CCDC154: variants seen among roughly 807,000 people sequenced by gnomAD.
CCDC154 encodes the protein coiled-coil domain containing 154, also known as coiled-coil domain-containing protein 154.
Under a neutral mutation model 87.5 loss-of-function variants are expected in CCDC154, and 91 were observed. That is an observed-to-expected ratio of 1.04 (90% confidence interval 0.88 to 1.24). The LOEUF (loss-of-function observed/expected upper bound fraction) is 1.24. CCDC154 is among the 50% of genes most tolerant of loss of function. The pLI, the probability that CCDC154 is intolerant of heterozygous loss-of-function variation, is 0.00. For synonymous variants in CCDC154, 418 were observed against 400.4 expected, an observed-to-expected ratio of 1.04 and a Z score of -0.52; for missense variants, 903 against 879.2, an observed-to-expected ratio of 1.03 and a Z score of -0.34.
chr16:1,438,450 C>G, intron 9 of CCDC154, 169 bp downstream of exon 9: 1 of 745,754 alleles, frequency 1.3e-6, no homozygotes, highest in East Asian at 2.7e-5. Context: ...ACAGGAGGCC[C>G]CACAGGAGGG....
At chr16:1,436,631 G>T (rs1427159289) in intron 12 of CCDC154, 61 bp downstream of exon 12, 36 of 1,546,610 alleles carry the variant, frequency 2.3e-5, no homozygotes, top group Non-Finnish European at 3.1e-5. Flanking sequence ...GGTGCAGGGA[G>T]AAGGGTCCCA....
chr16:1,439,295 G>A (rs1488602889), intron 6 of CCDC154, 169 bp from the exon 7 acceptor site: 4 of 631,752 alleles, frequency 6.3e-6, no homozygotes, highest in Non-Finnish European at 8.4e-6. Context: ...ACGGCGGGCA[G>A]GACCACTCTG....
In CCDC154 at chr16:1,443,507, T is replaced by C. The variant is rs776589674; in HGVS notation, c.413A>G (p.Glu138Gly). Reference sequence around the variant, plus strand: ...CCTGTGGGTGGGGGAGCCGCTCACCTCCGGCGCCTCCTTTTCGGGGGCCTG... The same window carrying C: ...CCTGTGGGTGGGGGAGCCGCTCACCCCCGGCGCCTCCTTTTCGGGGGCCTG... The part of the protein sequence containing the change: ...AAQAPEKEAP[E>G]FSGLQNQMQA... Residue 138 changes from glutamate to glycine, a missense_variant and splice_region_variant, in exon 3 of 17, where the codon GAG becomes GGG. Transcript: ENST00000389176. 2.7e-6 allele frequency: 4 copies of C among 1,467,868 alleles called. No individual in the cohort carries two copies. The South Asian group carries it at 4.1e-5, about 15-fold the overall frequency. 90.9% of individuals were successfully genotyped at this position (1,467,868 alleles called of 1,614,324 possible).
chr16:1,441,013 G>A (rs1057466170), intron 6 of CCDC154, among the ~76,000 whole-genome samples: 24 of 152,000 alleles, frequency 1.6e-4, no homozygotes, highest in African/African-American at 5.6e-4. Context: ...CAGCTACTGG[G>A]AAGGCTAAGG....
At chr16:1,443,028 G>T in intron 4 of CCDC154, 53 bp from the exon 5 acceptor site, 1 of 1,542,178 alleles carries the variant, frequency 6.5e-7, no homozygotes. Flanking sequence ...AGCAGCCTCG[G>T]CGGGCTGGGG....
rs779927486 is a variant in CCDC154 at position 1,439,125 on chromosome 16, G to A, written c.677C>T (p.Ala226Val). 6.5e-7 allele frequency: 1 copy of A among 1,549,892 alleles called. No homozygotes were observed. The highest frequency in any genetic ancestry group is 1.2e-5 in the South Asian group (1 of 84,034). Residue 226 changes from alanine to valine, a missense_variant and splice_region_variant, in exon 7 of 17, where the codon GCC (alanine) becomes GTC (valine). By Grantham distance (64) the Ala-to-Val change is moderately conservative (BLOSUM62 0). Transcript: ENST00000389176. ...CTCTTCGCCGAGCTTGGTCACCTGG[G>A]CCTGGGGCGGAGGCACATTGTCCCG... ...RVDLEVARMQ[A>V]QVTKLGEEVS...
chr16:1,441,062 T>C (rs34376809), intron 6 of CCDC154, among the ~76,000 whole-genome samples: 39,042 of 151,936 alleles, frequency 0.26, 5,285 homozygotes, highest in South Asian at 0.35. Flanking sequence ...GAGGCTGCAG[T>C]GAGCTGTGAT....
At chr16:1,441,842 C>T (rs1211256302) in intron 6 of CCDC154, among the ~76,000 whole-genome samples, 2 of 152,110 alleles carry the variant, frequency 1.3e-5, no homozygotes, top group East Asian at 1.9e-4. Context: ...CAGGCTCAAG[C>T]GATCCTCCCG....
chr16:1,438,204 T>C lies in CCDC154; in HGVS notation c.1026-28A>G, dbSNP rs1386202017. On this transcript the variant is annotated intron_variant, in intron 9 of 16. Transcript: ENST00000389176. ...AGGGGTTGGGGACACATAGACACCC[T>C]CAGTGGAGCCTGCCCACCTCTCAGC... 1.3e-6 allele frequency: 2 copies of C among 1,496,384 alleles called. 1 individual carries two copies. The highest frequency in any genetic ancestry group is 1.8e-6 in the Non-Finnish European group (2 of 1,117,872). The allele number at this position is 1,496,384 out of a possible 1,614,324, so 92.7% of individuals were successfully genotyped here. A position where few individuals can be genotyped will look rare whatever the true frequency, so the allele number is the denominator to read the frequency against.
intron 6 of CCDC154, chr16:1,439,347 A>G: frequency 3.4e-6 from 2 of 582,588 alleles, no homozygotes; most frequent in South Asian, 4.3e-5. Context: ...GAAGCATGAG[A>G]AGGCCACGCT....
intron 15 of CCDC154, 100 bp from the exon 16 acceptor site, chr16:1,434,952 T>C: frequency 6.3e-6 from 9 of 1,422,518 alleles, no homozygotes; most frequent in Admixed American, 2.5e-5. Context: ...AAGCCATTTA[T>C]CTTCAGGGAA....
chr16:1,437,713 G>A, intron 11 of CCDC154, 104 bp downstream of exon 11: 2 of 1,346,946 alleles, frequency 1.5e-6, no homozygotes, highest in Non-Finnish European at 2.0e-6. Flanking sequence ...GGAGGCTTGG[G>A]ACCGGCCTGT....
chr16:1,437,588 G>C, intron 11 of CCDC154: 1 of 519,376 alleles, frequency 1.9e-6, no homozygotes, highest in Non-Finnish European at 3.3e-6. Context: ...CTCCAGCTCG[G>C]GCCTCACGGG....
rs1255085612 is a variant in CCDC154 at position 1,443,061 on chromosome 16, GCCACCT to G, written c.456-92_456-87del. ...GGGGTCTGGCCAAGGGGCCCCTGTG[GCCACCT>G]CCCATGGCTTTCCTGGGCCTCTGAA... On this transcript the variant is annotated intron_variant, in intron 4 of 16. Coordinates refer to ENST00000389176, the MANE Select transcript of CCDC154 (RefSeq NM_001143980.3). 1.0e-5 allele frequency: 15 copies of G among 1,479,978 alleles called. No homozygotes were observed. The East Asian group carries it at 3.5e-4, about 34-fold the overall frequency. The allele number at this position is 1,479,978 out of a possible 1,614,324, so 91.7% of individuals were successfully genotyped here. A position where few individuals can be genotyped will look rare whatever the true frequency, so the allele number is the denominator to read the frequency against.
At chr16:1,437,769 T>G (rs1225393621) in intron 11 of CCDC154, 48 bp downstream of exon 11, 1 of 1,490,486 alleles carries the variant, frequency 6.7e-7, no homozygotes, top group Non-Finnish European at 8.9e-7. Flanking sequence ...GCTGGAGGGG[T>G]GGGGACTCCC....
At position 1,443,174 on chromosome 16, in the gene CCDC154, G is replaced by A. The variant is rs2038571592; in HGVS notation, c.455+87C>T. On this transcript the variant is annotated intron_variant, in intron 4 of 16. Coordinates refer to ENST00000389176, the MANE Select transcript of CCDC154 (RefSeq NM_001143980.3). ...CCCACTCCAGCGACACCCAGCGGGA[G>A]ATGTGGACCCCCCACCACACCTGCC... 6.1e-6 allele frequency: 9 copies of A among 1,474,454 alleles called. No homozygotes were observed. The South Asian group carries it at 7.4e-5, about 12-fold the overall frequency. 91.3% of individuals were successfully genotyped at this position (1,474,454 alleles called of 1,614,324 possible).
Position 1,434,852 on chromosome 16 carries a change from G to A in CCDC154, c.1693C>T (p.Arg565Cys), listed in dbSNP as rs998380269. 5.4e-5 allele frequency: 81 copies of A among 1,497,770 alleles called. No individual in the cohort carries two copies. Among genetic ancestry groups the A allele is most frequent in the Non-Finnish European group, 6.4e-5 (72 of 1,124,968 alleles). The allele number at this position is 1,497,770 out of a possible 1,614,324, so 92.8% of individuals were successfully genotyped here. A position where few individuals can be genotyped will look rare whatever the true frequency, so the allele number is the denominator to read the frequency against. The part of the protein sequence containing the change: ...NLRFNTEARL[R>C]TQEMATLWES... Reference sequence around the variant, plus strand: ...CACAGGGTGGCCATCTCCTGCGTGCGCTGTGGGACGGGGATGCTGGTGTCA... The same window carrying A: ...CACAGGGTGGCCATCTCCTGCGTGCACTGTGGGACGGGGATGCTGGTGTCA... The change falls in exon 16 of 17, where the codon CGC becomes TGC. Residue 565 changes from arginine (R) to cysteine (C), a missense_variant and splice_region_variant. Physicochemically the swap from Arg to Cys is radical, Grantham distance 180. Transcript: ENST00000389176.
At chr16:1,436,845 AAG>A in intron 11 of CCDC154, 34 bp from the exon 12 acceptor site, 3 of 1,549,452 alleles carry the variant, frequency 1.9e-6, no homozygotes, top group Non-Finnish European at 1.7e-6. Context: ...GGACAAAGCC[AAG>A]AGAGGGGGGA....
In CCDC154 at chr16:1,442,508, C is replaced by T. The variant is rs2038561078; in HGVS notation, c.573G>A (p.Leu191=). The T allele has an allele frequency of 1.9e-6, 3 of 1,547,270 alleles. No individual in the cohort carries two copies. The highest frequency in any genetic ancestry group is 1.7e-6 in the Non-Finnish European group (2 of 1,145,530). Residue 191 remains leucine, a synonymous_variant, in exon 6 of 17, where the codon TTG becomes TTA. Coordinates refer to ENST00000389176, the MANE Select transcript of CCDC154 (RefSeq NM_001143980.3). ...AGLRLAKLTD[L]LQQEEQGREV... ...CCCGGCCCTGCTCCTCCTGCTGCAG[C>T]AAGTCGGTCAGCTTGGCCAGTCTAG...
Sources: allele counts gnomAD v4.1 joint callset (sites outside exome capture counted in the v4.1 genomes callset), GRCh38; gene constraint gnomAD v4.1.1; transcripts MANE v1.5; gene names NCBI Gene and HGNC (gene_info 2026-07-23, HGNC 2026-07-21).